The following TERF2 variants were observed in gnomAD, a reference collection of about 807,000 sequenced individuals.
The protein encoded by TERF2 is telomeric repeat binding factor 2, also known as telomeric repeat-binding factor 2.
A neutral mutation model predicts 56.1 loss-of-function variants in TERF2; 16 were observed. The ratio of observed to expected loss-of-function variants is 0.29; its 90% CI spans 0.19 to 0.43. TERF2 has a LOEUF of 0.43. Among genes scored for constraint, TERF2 ranks in the 20% least tolerant of loss-of-function variants. The pLI, the probability that TERF2 is intolerant of heterozygous loss-of-function variation, is 1.00. For missense variants in TERF2, 547 were observed against 712.9 expected, an observed-to-expected ratio of 0.77 and a Z score of 2.65; for synonymous variants, 296 against 282.1, an observed-to-expected ratio of 1.05 and a Z score of -0.50.
At chr16:69,383,279 T>A (rs540771674) in intron 3 of TERF2, among the ~76,000 whole-genome samples, 1 of 152,316 alleles carries the variant, frequency 6.6e-6, no homozygotes, top group South Asian at 2.1e-4. Context: ...GCATTTGGGA[T>A]TTCAGATTTT....
intron 6 of TERF2, among the ~76,000 whole-genome samples, 162 bp from the exon 7 acceptor site, chr16:69,367,361 C>G (rs577274908): frequency 5.3e-5 from 8 of 152,222 alleles, no homozygotes; most frequent in African/African-American, 1.7e-4. Flanking sequence ...GTTAGAGAAC[C>G]TTTATTTTAC....
At chr16:69,360,849 A>G (rs1369384790) in intron 8 of TERF2, among the ~76,000 whole-genome samples, 3 of 152,118 alleles carry the variant, frequency 2.0e-5, no homozygotes. Flanking sequence ...ATTAAATATC[A>G]TAGGCGTTAT....
chr16:69,376,914 C>T (rs1023059320), intron 3 of TERF2, among the ~76,000 whole-genome samples: 1 of 151,136 alleles, frequency 6.6e-6, no homozygotes, highest in African/African-American at 2.4e-5. Flanking sequence ...AAGAAAATCC[C>T]GCTAGGCTGG....
chr16:69,379,188 A>C (rs1286733817), intron 3 of TERF2, among the ~76,000 whole-genome samples: 9 of 152,240 alleles, frequency 5.9e-5, no homozygotes, highest in Non-Finnish European at 1.3e-4. Context: ...GAAGAGAAGA[A>C]GACCAAACTC....
chr16:69,381,003 C>A (rs897147876), intron 3 of TERF2, among the ~76,000 whole-genome samples: 1 of 151,970 alleles, frequency 6.6e-6, no homozygotes, highest in Non-Finnish European at 1.5e-5. Context: ...CGAGGTTTCA[C>A]TATGTTGGCC....
chr16:69,370,757 C>A (rs781218137), intron 4 of TERF2, 128 bp from the exon 5 acceptor site: 5 of 911,304 alleles, frequency 5.5e-6, no homozygotes, highest in Non-Finnish European at 8.2e-6. Context: ...GGCACACATA[C>A]AGGAAGGGAA....
At position 69,356,003 on chromosome 16, in the gene TERF2, A is replaced by C; in HGVS notation, c.*895T>G. 2 of 292,270 alleles carry C rather than the reference A, an allele frequency of 6.8e-6. No individual in the cohort carries two copies. Among genetic ancestry groups the C allele is most frequent in the South Asian group, 2.9e-5 (1 of 34,632 alleles). 18.1% of individuals were successfully genotyped at this position (292,270 alleles called of 1,614,324 possible). A position where few individuals can be genotyped will look rare whatever the true frequency, so the allele number is the denominator to read the frequency against. ...AGAAGTGGAGGATTAACCTGCCTAC[A>C]TAGCCCAGCAGATGTTGACAGCAAA... On this transcript the variant is annotated 3_prime_UTR_variant, in exon 10 of 10. Transcript: ENST00000254942.
At chr16:69,357,434 C>T (rs2012945145) in intron 9 of TERF2, 84 bp downstream of exon 9, 3 of 1,138,330 alleles carry the variant, frequency 2.6e-6, no homozygotes, top group Admixed American at 2.2e-5. Context: ...GGTACATAAC[C>T]AGTCTATACC....
chr16:69,359,215 G>C (rs1198069279), intron 8 of TERF2, among the ~76,000 whole-genome samples: 1 of 152,116 alleles, frequency 6.6e-6, no homozygotes, highest in Non-Finnish European at 1.5e-5. Context: ...ATAACCCCTT[G>C]CTAACCACTG....
At chr16:69,371,388 C>G (rs2013568953) in intron 4 of TERF2, among the ~76,000 whole-genome samples, 1 of 150,444 alleles carries the variant, frequency 6.6e-6, no homozygotes, top group Admixed American at 6.7e-5. Flanking sequence ...GTAACCCCAG[C>G]TACTCCAGAG....
intron 7 of TERF2, chr16:69,366,588 C>T: frequency 1.8e-6 from 1 of 552,226 alleles, no homozygotes; most frequent in Non-Finnish European, 3.1e-6. Context: ...CATTCCCACT[C>T]ATGCCCTAGT....
chr16:69,384,067 G>T (rs1282368093), intron 3 of TERF2, among the ~76,000 whole-genome samples: 2 of 152,100 alleles, frequency 1.3e-5, no homozygotes, highest in Non-Finnish European at 2.9e-5. Context: ...GCCTGTGCCG[G>T]ATTTCTATCA....
chr16:69,381,478 TA>T (rs1004998959), intron 3 of TERF2, among the ~76,000 whole-genome samples: 1 of 151,602 alleles, frequency 6.6e-6, no homozygotes, highest in African/African-American at 2.4e-5. Context: ...TACTTCCTCT[TA>T]TTTTTTTTTT....
intron 5 of TERF2, 111 bp from the exon 6 acceptor site, chr16:69,368,593 A>T: frequency 6.4e-7 from 1 of 1,552,078 alleles, no homozygotes; most frequent in Non-Finnish European, 8.7e-7. Flanking sequence ...TTACAAATCC[A>T]ATCTAGGCAT....
rs1052487232 is a variant in TERF2 at position 69,385,956 on chromosome 16, C to G, written c.16G>C (p.Gly6Arg). The change falls in exon 1 of 10, where the codon GGG becomes CGG. Residue 6 changes from glycine to arginine, a missense_variant. By Grantham distance (125) the Gly-to-Arg change is moderately radical. Transcript: ENST00000254942. ...GGGCCGGAAGCGGGGCCCGCCGTCC[C>G]GGCTCCCGCGGCCATGATAGAAACA... MAAGA[G>R]TAGPASGPGV... The G allele has an allele frequency of 1.9e-5, 26 of 1,357,346 alleles. No individual in the cohort carries two copies. The highest frequency in any genetic ancestry group is 2.4e-5 in the Non-Finnish European group (25 of 1,054,996). The allele number at this position is 1,357,346 out of a possible 1,614,324, so 84.1% of individuals were successfully genotyped here.
intron 8 of TERF2, 32 bp downstream of exon 8, chr16:69,361,372 C>CAAG (rs769344702): frequency 6.7e-7 from 1 of 1,490,324 alleles, no homozygotes; most frequent in East Asian, 2.3e-5. Context: ...CAGCAAGCAT[C>CAAG]AAGAAGAGGC....
chr16:69,383,578 G>A (rs896010812), intron 3 of TERF2, among the ~76,000 whole-genome samples: 1 of 152,172 alleles, frequency 6.6e-6, no homozygotes. Flanking sequence ...CCTTGGAAAT[G>A]ACTAATATTT....
chr16:69,370,058 T>C (rs956955478), intron 5 of TERF2, among the ~76,000 whole-genome samples: 5 of 152,098 alleles, frequency 3.3e-5, no homozygotes, highest in African/African-American at 1.2e-4. Context: ...TGAGACGGAG[T>C]CTTGCTCTGT....
intron 7 of TERF2, among the ~76,000 whole-genome samples, chr16:69,363,097 G>A (rs1176069074): frequency 6.6e-6 from 1 of 152,148 alleles, no homozygotes; most frequent in African/African-American, 2.4e-5. Context: ...AATGTTACTT[G>A]AGAATAATTT....
Sources: gnomAD v4.1 joint callset for allele counts (sites outside exome capture counted in the v4.1 genomes callset) on GRCh38, gnomAD v4.1.1 for gene constraint, MANE v1.5 for transcripts, NCBI Gene and HGNC (gene_info 2026-07-23, HGNC 2026-07-21) for gene names.